Variants in TNC observed in about 807,000 individuals in gnomAD.
TNC encodes tenascin C.
A neutral mutation model predicts 202.4 loss-of-function variants in TNC; 109 were observed. That is an observed-to-expected ratio of 0.54 (90% CI 0.46 to 0.63). The LOEUF (loss-of-function observed/expected upper bound fraction) is 0.63, where lower values mean the gene tolerates loss of function less well. TNC is among the 30% of genes least tolerant of loss of function. The pLI is 0.00. For synonymous variants in TNC, 1,007 were observed against 1,089.7 expected (o/e 0.92, Z 1.50); for missense variants, 2,756 against 2,833.3 (o/e 0.97, Z 0.62).
Position 115,081,839 on chromosome 9 carries a change from A to C in TNC, c.2337T>G (p.Tyr779Ter). 1 of 1,609,820 alleles carries C rather than the reference A, an allele frequency of 6.2e-7. No homozygotes were observed. The highest frequency in any genetic ancestry group is 8.5e-7 in the Non-Finnish European group (1 of 1,178,880). ...RQTGLAPGQEYEISLHIVKNN... is the reference protein window; with the variant it reads ...RQTGLAPGQE Reference sequence around the variant, plus strand: ...TTTTCACTATGTGCAGAGATATCTCATACTCTTGCCCAGGAGCTAGACCAG... The same window carrying C: ...TTTTCACTATGTGCAGAGATATCTCCTACTCTTGCCCAGGAGCTAGACCAG... Residue 779 changes from tyrosine (Y) to a stop codon, truncating the protein, a stop_gained, in exon 6 of 28, where the codon TAT becomes TAG. Coordinates refer to ENST00000350763, the MANE Select transcript of TNC (RefSeq NM_002160.4). LOFTEE classifies it high-confidence loss of function.
intron 21 of TNC, 80 bp from the exon 22 acceptor site, chr9:115,035,414 G>A: frequency 2.0e-6 from 3 of 1,475,364 alleles, no homozygotes; most frequent in Non-Finnish European, 2.8e-6. Flanking sequence ...CAAGAAGACT[G>A]GGTTCAAGTC....
intron 18 of TNC, among the ~76,000 whole-genome samples, chr9:115,041,301 A>C (rs12352614): frequency 2.0e-4 from 10 of 48,794 alleles, no homozygotes; most frequent in Non-Finnish European, 3.7e-4. Flanking sequence ...AAACAAAGCC[A>C]GGAGGGGCGG....
chr9:115,082,840 T>C, intron 4 of TNC, 33 bp from the exon 5 acceptor site: 2 of 1,507,754 alleles, frequency 1.3e-6, no homozygotes, highest in Non-Finnish European at 1.8e-6. Flanking sequence ...AACGTAAGGA[T>C]AGGGCAGGTG....
At position 115,035,261 on chromosome 9, in the gene TNC, G is replaced by A. The variant is rs751983534; in HGVS notation, c.5730C>T (p.Pro1910=). 1.2e-6 allele frequency: 2 copies of A among 1,613,468 alleles called. No individual in the cohort carries two copies. The highest frequency in any genetic ancestry group is 1.7e-6 in the Non-Finnish European group (2 of 1,179,730). The change falls in exon 22 of 28, where the codon CCC becomes CCT. Residue 1910 remains proline, a synonymous_variant. Transcript: ENST00000350763. ...GCAGGTAACCGGTGACTGATGCCCG[G>A]GGGGGTCGCCAGGTAAGGAGGGCAG... The part of the protein sequence containing the change: ...SETALLTWRP[P]RASVTGYLLV...
At chr9:115,067,337 C>T (rs1429462346) in intron 10 of TNC, among the ~76,000 whole-genome samples, 5 of 147,384 alleles carry the variant, frequency 3.4e-5, no homozygotes, top group Admixed American at 3.4e-4. Context: ...TCTTATCCCA[C>T]TTTCCTGTTT....
At chr9:115,098,182 G>T (rs997050311) in intron 1 of TNC, among the ~76,000 whole-genome samples, 1 of 152,156 alleles carries the variant, frequency 6.6e-6, no homozygotes, top group East Asian at 1.9e-4. Context: ...TGTTATCAGT[G>T]TTGAATCATT....
intron 19 of TNC, among the ~76,000 whole-genome samples, chr9:115,039,817 A>G (rs75993460): frequency 0.019 from 2,959 of 152,350 alleles, 110 homozygotes; most frequent in African/African-American, 0.067. Flanking sequence ...AACTACGTTC[A>G]GCTTTTGCCA....
chr9:115,057,509 A>T, intron 14 of TNC, 84 bp from the exon 15 acceptor site: 1 of 1,365,456 alleles, frequency 7.3e-7, no homozygotes, highest in Non-Finnish European at 1.0e-6. Flanking sequence ...GGTTGTTAAT[A>T]GAACCATTGC....
chr9:115,053,157 A>G, intron 15 of TNC: 1 of 593,126 alleles, frequency 1.7e-6, no homozygotes, highest in Non-Finnish European at 3.0e-6. Flanking sequence ...GGCTGTGTCT[A>G]CACCTGCATT....
At chr9:115,030,519 T>C in intron 23 of TNC, 114 bp from the exon 24 acceptor site, 4 of 1,215,962 alleles carry the variant, frequency 3.3e-6, no homozygotes, top group Non-Finnish European at 4.5e-6. Context: ...GGTGCAATAA[T>C]GTGATGCAAA....
intron 1 of TNC, among the ~76,000 whole-genome samples, chr9:115,109,651 T>C (rs372799495): frequency 1.3e-5 from 2 of 152,252 alleles, no homozygotes; most frequent in East Asian, 3.8e-4. Flanking sequence ...AGGACTCCTC[T>C]GTCCTTGGTA....
In TNC at chr9:115,082,748, C is replaced by T. The variant is rs754322466; in HGVS notation, c.2191G>A (p.Glu731Lys). The change falls in exon 5 of 28, where the codon GAG becomes AAG. Residue 731 changes from glutamate to lysine, a missense_variant. Around this residue, in one of 2 missense-constraint regions of TNC, gnomAD observed 2,559 missense variants for 2,546.0 expected, o/e 1.01. Transcript: ENST00000350763. ...AAAGCAATGTCTAGAGGATCCCACT[C>T]CACTTCCACAGATGTCTCCTTGATG... is the stretch of plus-strand genomic sequence containing the variant. ...KSIKETSVEV[E>K]WDPLDIAFET... 1.9e-5 allele frequency: 31 copies of T among 1,614,050 alleles called. No homozygotes were observed. Among genetic ancestry groups the T allele is most frequent in the Non-Finnish European group, 2.6e-5 (31 of 1,180,030 alleles).
chr9:115,082,523 G>C (rs1263031393), intron 5 of TNC, among the ~76,000 whole-genome samples, 169 bp downstream of exon 5: 1 of 152,088 alleles, frequency 6.6e-6, no homozygotes, highest in East Asian at 1.9e-4. Flanking sequence ...TAAAATCAGG[G>C]AAAAACCAAC....
rs2989519 is a variant in TNC, at chr9:115,081,960, G to A, written c.2248-32C>T. 0.44 allele frequency: 690,259 copies of A among 1,565,190 alleles called. 155,494 individuals carry two copies. The highest frequency in any genetic ancestry group is 0.66 in the African/African-American group (47,414 of 71,800). On this transcript the variant is annotated intron_variant, in intron 5 of 27. Coordinates refer to ENST00000350763, the MANE Select transcript of TNC (RefSeq NM_002160.4). ...GATAGAGGCAGCTTGGTAAGAGTTAGGGGAGGTGCCAGTCTCTTAATTTAT... is the reference window on the plus strand; with the variant it reads ...GATAGAGGCAGCTTGGTAAGAGTTAAGGGAGGTGCCAGTCTCTTAATTTAT...
At chr9:115,082,850 G>T in intron 4 of TNC, 43 bp from the exon 5 acceptor site, 2 of 1,404,840 alleles carry the variant, frequency 1.4e-6, no homozygotes, top group Non-Finnish European at 2.0e-6. Context: ...TAGGGCAGGT[G>T]TGTGATTGGG....
intron 17 of TNC, among the ~76,000 whole-genome samples, chr9:115,045,076 T>C (rs1408966086): frequency 6.6e-6 from 1 of 152,190 alleles, no homozygotes; most frequent in African/African-American, 2.4e-5. Context: ...TCTAGCTCTA[T>C]GATCATAGAA....
intron 1 of TNC, among the ~76,000 whole-genome samples, chr9:115,110,940 T>C (rs1379516117): frequency 6.7e-6 from 1 of 149,952 alleles, no homozygotes; most frequent in Admixed American, 6.7e-5. Flanking sequence ...AGTGCAGTGG[T>C]GTGATCTCGG....
At chr9:115,102,966 G>A (rs1484980685) in intron 1 of TNC, among the ~76,000 whole-genome samples, 3 of 152,168 alleles carry the variant, frequency 2.0e-5, no homozygotes, top group Non-Finnish European at 2.9e-5. Flanking sequence ...TTTCCTGATG[G>A]CCCTAATGTA....
intron 15 of TNC, among the ~76,000 whole-genome samples, chr9:115,053,846 A>G (rs928508130): frequency 4.6e-5 from 7 of 152,190 alleles, no homozygotes; most frequent in African/African-American, 1.7e-4. Flanking sequence ...GAAAAACTTG[A>G]AGTTAGGCAT....
Sources: gnomAD v4.1 joint callset for allele counts (sites outside exome capture counted in the v4.1 genomes callset) on GRCh38, gnomAD v4.1.1 for gene constraint, gnomAD v4.1.1 regional missense constraint, MANE v1.5 for transcripts, NCBI Gene and HGNC (gene_info 2026-07-23, HGNC 2026-07-21) for gene names.